The following SPON2 variants were observed in gnomAD, a reference collection of about 807,000 sequenced individuals.
SPON2 encodes spondin-2.
In SPON2, 32 loss-of-function variants were observed where a neutral mutation model predicts 29.9. The observed-to-expected ratio is 1.07, with a 90% CI of 0.81 to 1.44. SPON2 has a LOEUF of 1.44. SPON2 is among the 40% of genes most tolerant of loss of function. The pLI is 0.00. For synonymous variants in SPON2, 248 were observed against 209.1 expected, an observed-to-expected ratio of 1.19 and a Z score of -1.61; for missense variants, 541 against 455.5, an observed-to-expected ratio of 1.19 and a Z score of -1.71.
intron 4 of SPON2, 151 bp downstream of exon 4, chr4:1,170,848 T>C: frequency 1.7e-6 from 2 of 1,160,448 alleles, no homozygotes; most frequent in Non-Finnish European, 2.5e-6. Flanking sequence ...TGCACCCCCT[T>C]GCTCACTGCT....
chr4:1,176,594 CAATCATCCATTCACACA>C (rs1369001231), upstream of SPON2, among the ~76,000 whole-genome samples: 1 of 107,690 alleles, frequency 9.3e-6, no homozygotes, highest in African/African-American at 4.6e-5. Flanking sequence ...ACAGTACATT[CAATCATCCATTCACACA>C]GTACATTCAT....
At chr4:1,186,004 G>A (rs1019927376) in intron 1 of SPON2, among the ~76,000 whole-genome samples, 3 of 151,436 alleles carry the variant, frequency 2.0e-5, no homozygotes, top group Non-Finnish European at 4.4e-5. Flanking sequence ...CAGCACTTTG[G>A]GAGGCCGAGG....
intron 1 of SPON2, among the ~76,000 whole-genome samples, chr4:1,206,045 C>T (rs143430716): frequency 0.018 from 2,696 of 152,128 alleles, 29 homozygotes; most frequent in Non-Finnish European, 0.027. Context: ...GAGGAGGCCA[C>T]GCCCAGCATT....
At chr4:1,179,393 G>A (rs1454013776) in intron 2 of SPON2, 1 of 152,172 alleles carries the variant, frequency 6.6e-6, no homozygotes, top group Middle Eastern at 3.2e-3. Context: ...CTGTGCAACA[G>A]TCCGCCTCCC....
chr4:1,203,308 C>T (rs1021419290), intron 1 of SPON2, among the ~76,000 whole-genome samples: 1 of 152,236 alleles, frequency 6.6e-6, no homozygotes, highest in Non-Finnish European at 1.5e-5. Flanking sequence ...CTCTGTGTCA[C>T]CGTGGACCTG....
chr4:1,195,461 C>T (rs1445596009), upstream of SPON2, among the ~76,000 whole-genome samples: 1 of 151,758 alleles, frequency 6.6e-6, no homozygotes, highest in Non-Finnish European at 1.5e-5. Context: ...GTCCTCGGCC[C>T]CTTGGAGGCT....
At chr4:1,191,071 G>A (rs912923675) in intron 1 of SPON2, among the ~76,000 whole-genome samples, 3 of 150,486 alleles carry the variant, frequency 2.0e-5, no homozygotes, top group African/African-American at 7.3e-5. Context: ...AATTCTAACT[G>A]CTTTTTTTTT....
In SPON2 at chr4:1,202,668, G is replaced by A. The variant is rs185071556; in HGVS notation, c.-234+5212C>T. ...GGTGGCCCTGCAGTCCTGGGGTCTC[G>A]GAGGCAGCCCCCACCTCAGCTCCGG... is the stretch of plus-strand genomic sequence containing the variant. On this transcript the variant is annotated intron_variant, in intron 1 of 3. Transcript: ENST00000509233. The surrounding 1 kb of genome is among the most constrained non-coding windows in gnomAD (Gnocchi z 5.4). Among the ~76,000 whole-genome samples the A allele has an allele frequency of 2.7e-3, 404 of 152,150 alleles. 1 individual carries two copies. The highest frequency in any genetic ancestry group is 9.3e-3 in the African/African-American group (385 of 41,516).
In SPON2 at chr4:1,194,993, A is replaced by ACAGCCGGCGGTTCCAACCCCG. The variant is rs1560210676; in HGVS notation, c.-263_-243dup. ...ACCCCGCAGCCGGCGGCCTCACCTC[A>ACAGCCGGCGGTTCCAACCCCG]CAGCCGGCGGTTCCAACCCCGCAGC... On this transcript the variant is annotated 5_prime_UTR_variant, in exon 1 of 4. Transcript: ENST00000502483. 81 of 115,866 alleles carry ACAGCCGGCGGTTCCAACCCCG rather than the reference A, an allele frequency of 7.0e-4. 2 individuals are homozygous for ACAGCCGGCGGTTCCAACCCCG. Among genetic ancestry groups the ACAGCCGGCGGTTCCAACCCCG allele is most frequent in the African/African-American group, 2.7e-3 (78 of 28,696 alleles). The allele number at this position is 115,866 out of a possible 1,614,324, so 7.2% of individuals were successfully genotyped here. A position where few individuals can be genotyped will look rare whatever the true frequency, so the allele number is the denominator to read the frequency against.
rs1166813686 is a variant in SPON2, at chr4:1,193,801, C to T, written c.-239+1189G>A. ...GCGTGGGAAGGACGTGGGGGGGTGG[C>T]GTGGGAAGGACGTGGGGGGGTGGCG... On this transcript the variant is annotated intron_variant, in intron 1 of 3. Transcript: ENST00000502483. Among the ~76,000 whole-genome samples the T allele has an allele frequency of 1.2e-3, 9 of 7,448 alleles. 1 individual carries two copies. The highest frequency in any genetic ancestry group is 1.5e-3 in the African/African-American group (4 of 2,634). The allele number at this position is 7,448 out of a possible 152,430, so 4.9% of individuals were successfully genotyped here.
chr4:1,196,085 C>T (rs1429669423), upstream of SPON2, among the ~76,000 whole-genome samples: 2 of 152,162 alleles, frequency 1.3e-5, no homozygotes, highest in Non-Finnish European at 2.9e-5. Flanking sequence ...TCTGGCTGCC[C>T]CATCGCTGCC....
At chr4:1,169,257 G>T (rs1165765106) in intron 5 of SPON2, among the ~76,000 whole-genome samples, 1 of 152,104 alleles carries the variant, frequency 6.6e-6, no homozygotes, top group Non-Finnish European at 1.5e-5. Context: ...CGCCAGACCA[G>T]TTGCACACCA....
intron 1 of SPON2, among the ~76,000 whole-genome samples, chr4:1,204,521 G>A (rs373937932): frequency 8.1e-4 from 124 of 152,240 alleles, no homozygotes; most frequent in African/African-American, 2.8e-3. Flanking sequence ...TACTGTGAGC[G>A]ACCCACGCAC....
Position 1,170,013 on chromosome 4 carries a change from C to T in SPON2, c.811+389G>A, listed in dbSNP as rs1037696523. 9.5e-5 allele frequency: 21 copies of T among 222,014 alleles called. 1 individual carries two copies. The highest frequency in any genetic ancestry group is 5.4e-4 in the South Asian group (9 of 16,818). The allele number at this position is 222,014 out of a possible 1,614,324, so 13.8% of individuals were successfully genotyped here. ...CCCGAGCTGTGTGGTGGCTGGGTCC[C>T]GAGACCCCCACAGGTGCCCTGCAGC... On this transcript the variant is annotated intron_variant, in intron 5 of 5. Coordinates refer to ENST00000290902, the MANE Select transcript of SPON2 (RefSeq NM_012445.4).
chr4:1,181,246 T>G (rs1462804806), intron 1 of SPON2, among the ~76,000 whole-genome samples: 38 of 151,700 alleles, frequency 2.5e-4, no homozygotes, highest in Admixed American at 2.4e-3. Context: ...ATTAAACACA[T>G]TGGAAAAAAA....
upstream of SPON2, among the ~76,000 whole-genome samples, chr4:1,176,708 A>G (rs1041495893): frequency 1.3e-5 from 2 of 151,398 alleles, no homozygotes; most frequent in East Asian, 1.9e-4. Context: ...CATTCATGCA[A>G]TCATCCACAC....
upstream of SPON2, among the ~76,000 whole-genome samples, chr4:1,173,918 G>T (rs979090589): frequency 6.6e-6 from 1 of 152,242 alleles, no homozygotes; most frequent in Non-Finnish European, 1.5e-5. Context: ...AGGTCACTGA[G>T]GGCCAGGCGC....
chr4:1,205,874 G>A (rs946298094), intron 1 of SPON2, among the ~76,000 whole-genome samples: 1 of 152,188 alleles, frequency 6.6e-6, no homozygotes, highest in Non-Finnish European at 1.5e-5. Flanking sequence ...TCCAGGAGGG[G>A]CCTCTGAGAC....
intron 5 of SPON2, among the ~76,000 whole-genome samples, chr4:1,169,363 G>A (rs539687872): frequency 2.0e-5 from 3 of 152,126 alleles, no homozygotes; most frequent in African/African-American, 7.2e-5. Flanking sequence ...AGGAGCCCAA[G>A]CCTGCACTGG....
Sources: gnomAD v4.1 joint callset for allele counts (sites outside exome capture counted in the v4.1 genomes callset) on GRCh38, gnomAD v4.1.1 for gene constraint, Gnocchi (gnomAD v3.1) non-coding constraint, MANE v1.5 for transcripts, NCBI Gene and HGNC (gene_info 2026-07-23, HGNC 2026-07-21) for gene names.